CDH1: variants seen among roughly 807,000 people sequenced by gnomAD.
The protein encoded by CDH1 is cadherin 1, also known as cadherin-1.
In CDH1, 35 loss-of-function variants were observed where a neutral mutation model predicts 84.5. The ratio of observed to expected loss-of-function variants is 0.41; its 90% CI spans 0.32 to 0.55. CDH1 has a LOEUF of 0.55. Ranked by LOEUF, CDH1 falls within the 20% of genes least tolerant of loss-of-function variation. The probability of loss-of-function intolerance (pLI) is 0.19; values close to 1 mark genes in which losing one functional copy is unlikely to be tolerated. For missense variants in CDH1, 994 were observed against 1,126.6 expected, an observed-to-expected ratio of 0.88 and a Z score of 1.68; for synonymous variants, 417 against 439.0, an observed-to-expected ratio of 0.95 and a Z score of 0.63.
intron 2 of CDH1, among the ~76,000 whole-genome samples, chr16:68,779,712 T>C (rs1379231918): frequency 6.6e-6 from 1 of 152,070 alleles, no homozygotes; most frequent in Admixed American, 6.6e-5. Flanking sequence ...CAAAAATTAA[T>C]TGGGCATGGT....
At position 68,737,350 on chromosome 16, in the gene CDH1, C is replaced by T. The variant is rs988281190; in HGVS notation, c.-66C>T. 4.3e-5 allele frequency: 59 copies of T among 1,375,512 alleles called. No homozygotes were observed. Among genetic ancestry groups the T allele is most frequent in the Admixed American group, 2.1e-4 (10 of 48,088 alleles). The allele number at this position is 1,375,512 out of a possible 1,614,324, so 85.2% of individuals were successfully genotyped here. On this transcript the variant is annotated 5_prime_UTR_variant, in exon 1 of 16. Coordinates refer to ENST00000261769, the MANE Select transcript of CDH1 (RefSeq NM_004360.5). ...TGCGGAAGTCAGTTCAGACTCCAGC[C>T]CGCTCCAGCCCGGCCCGACCCGACC...
At chr16:68,755,282 C>CAAAAAGAAAA (rs1962989806) in intron 2 of CDH1, among the ~76,000 whole-genome samples, 1 of 96,054 alleles carries the variant, frequency 1.0e-5, no homozygotes, top group Non-Finnish European at 2.1e-5. Context: ...GACTCTGTCT[C>CAAAAAGAAAA]AAAAAAAAAA....
intron 2 of CDH1, among the ~76,000 whole-genome samples, chr16:68,800,128 C>A (rs1343759675): frequency 6.6e-6 from 1 of 151,264 alleles, no homozygotes; most frequent in Non-Finnish European, 1.5e-5. Context: ...CTGGTTGAGT[C>A]CAGGAGTTCA....
chr16:68,759,570 A>G (rs1350008520), intron 2 of CDH1, among the ~76,000 whole-genome samples: 1 of 147,562 alleles, frequency 6.8e-6, no homozygotes, highest in Non-Finnish European at 1.5e-5. Flanking sequence ...GCTCACTGCA[A>G]CCTCCGCCTC....
chr16:68,756,225 C>T (rs1232488336), intron 2 of CDH1, among the ~76,000 whole-genome samples: 1 of 151,360 alleles, frequency 6.6e-6, no homozygotes, highest in Admixed American at 6.6e-5. Flanking sequence ...TCCTCCCCAA[C>T]AAATTCTTCA....
intron 2 of CDH1, among the ~76,000 whole-genome samples, chr16:68,776,173 G>A (rs919829315): frequency 2.0e-5 from 3 of 152,150 alleles, no homozygotes; most frequent in Admixed American, 2.0e-4. Context: ...TTTTAGTAGA[G>A]ATGGGGTTTT....
rs762674965 is a variant in CDH1, at chr16:68,768,846, A to G, written c.163+30435A>G. Among the ~76,000 whole-genome samples, 4 of 152,322 alleles carry G rather than the reference A, an allele frequency of 2.6e-5. No homozygotes were observed. In the South Asian group the frequency reaches 8.3e-4, roughly 32 times the overall value. On this transcript the variant is annotated intron_variant, in intron 2 of 15. Transcript: ENST00000261769. ...CAAGTATAAGTAATGGCATTTTACT[A>G]AAGTAAATCGTTATCCAACACTCTC...
chr16:68,824,706 C>CA (rs1423324928), intron 13 of CDH1, among the ~76,000 whole-genome samples: 1 of 152,188 alleles, frequency 6.6e-6, no homozygotes, highest in Non-Finnish European at 1.5e-5. Flanking sequence ...AACCTGTTTC[C>CA]ATTGGAGCCC....
intron 2 of CDH1, among the ~76,000 whole-genome samples, chr16:68,792,955 A>T (rs1192597544): frequency 1.3e-5 from 2 of 152,196 alleles, no homozygotes; most frequent in Non-Finnish European, 2.9e-5. Context: ...GAGACGATAC[A>T]TAATTTGTTC....
At chr16:68,737,496 A>T (rs988250564) in intron 1 of CDH1, 33 bp downstream of exon 1, 2 of 1,499,638 alleles carry the variant, frequency 1.3e-6, no homozygotes, top group Admixed American at 4.1e-5. Flanking sequence ...CGAGGGACGC[A>T]TTCGGGCCGC....
intron 2 of CDH1, among the ~76,000 whole-genome samples, chr16:68,761,989 T>G (rs765572921): frequency 2.0e-5 from 3 of 152,160 alleles, no homozygotes; most frequent in Non-Finnish European, 4.4e-5. Flanking sequence ...CAGTTCTGCC[T>G]CCCCTCTCCA....
At position 68,829,786 on chromosome 16, in the gene CDH1, T is replaced by C. The variant is rs1178559383; in HGVS notation, c.2428T>C (p.Phe810Leu). The change falls in exon 15 of 16, where the codon TTT (phenylalanine) becomes CTT (leucine). Residue 810 changes from phenylalanine (F) to leucine (L), a missense_variant. Transcript: ENST00000261769. ...RPANPDEIGNFIDENLKAADT... is the reference protein window; with the variant it reads ...RPANPDEIGNLIDENLKAADT... ...TGCCAATCCCGATGAAATTGGAAAT[T>C]TTATTGATGAAGTAAGTAATCCACG... The C allele has an allele frequency of 6.2e-7, 1 of 1,613,874 alleles. No homozygotes were observed. The highest frequency in any genetic ancestry group is 8.5e-7 in the Non-Finnish European group (1 of 1,180,008).
At chr16:68,768,206 G>T (rs1226581982) in intron 2 of CDH1, among the ~76,000 whole-genome samples, 2 of 152,024 alleles carry the variant, frequency 1.3e-5, no homozygotes, top group Non-Finnish European at 2.9e-5. Flanking sequence ...TTGGCCTCCC[G>T]AAGTGCTGGG....
intron 2 of CDH1, among the ~76,000 whole-genome samples, chr16:68,752,075 C>T (rs561778167): frequency 6.6e-6 from 1 of 152,080 alleles, no homozygotes; most frequent in East Asian, 1.9e-4. Flanking sequence ...TCTCAGCCTC[C>T]CAAGTAGCTG....
At chr16:68,802,689 T>A (rs1160654714) in intron 3 of CDH1, among the ~76,000 whole-genome samples, 2 of 152,144 alleles carry the variant, frequency 1.3e-5, no homozygotes, top group African/African-American at 4.8e-5. Flanking sequence ...CAGGCTGGTC[T>A]CGAATTCCTG....
At chr16:68,769,414 T>A (rs1245441906) in intron 2 of CDH1, among the ~76,000 whole-genome samples, 1 of 152,118 alleles carries the variant, frequency 6.6e-6, no homozygotes, top group African/African-American at 2.4e-5. Flanking sequence ...TGCCTCTAAA[T>A]TGTACCGTGG....
intron 2 of CDH1, among the ~76,000 whole-genome samples, chr16:68,749,333 G>C (rs1006266313): frequency 6.6e-6 from 1 of 152,210 alleles, no homozygotes; most frequent in Non-Finnish European, 1.5e-5. Flanking sequence ...CAGAGGTGGA[G>C]TTTTCAAAGG....
intron 15 of CDH1, among the ~76,000 whole-genome samples, chr16:68,833,063 A>G (rs931382148): frequency 6.6e-6 from 1 of 152,156 alleles, no homozygotes; most frequent in Non-Finnish European, 1.5e-5. Context: ...TCTCCTGCCT[A>G]CATATAACTC....
At chr16:68,823,311 GTCTTTA>G in intron 12 of CDH1, 82 bp from the exon 13 acceptor site, 6 of 908,356 alleles carry the variant, frequency 6.6e-6, no homozygotes, top group Non-Finnish European at 1.1e-5. Context: ...GCTTGCGGGT[GTCTTTA>G]GTTCACTAGC....
Sources: gnomAD v4.1 joint callset for allele counts (sites outside exome capture counted in the v4.1 genomes callset) on GRCh38, gnomAD v4.1.1 for gene constraint, MANE v1.5 for transcripts, NCBI Gene and HGNC (gene_info 2026-07-23, HGNC 2026-07-21) for gene names.